The following TF variants were observed in gnomAD, a reference collection of about 807,000 sequenced individuals.
TF encodes transferrin.
In TF, 55 loss-of-function variants were observed where a neutral mutation model predicts 82.4. The observed-to-expected ratio is 0.67, with a 90% confidence interval of 0.54 to 0.84. The LOEUF is 0.84. Among genes scored for constraint, TF ranks in the 40% least tolerant of loss-of-function variants. The pLI is 0.00. For synonymous variants in TF, 332 were observed against 332.6 expected (o/e 1.00, Z 0.02); for missense variants, 737 against 868.4 (o/e 0.85, Z 1.90).
At chr3:133,715,417 T>C in the TF span, among the ~76,000 whole-genome samples, 1 of 152,236 alleles carries the variant, frequency 6.6e-6, no homozygotes, top group East Asian at 1.9e-4. Flanking sequence ...CGCTAAGTCC[T>C]GTCCTGCACC....
At chr3:133,676,452 C>T in the TF span, among the ~76,000 whole-genome samples, 1 of 152,212 alleles carries the variant, frequency 6.6e-6, no homozygotes, top group Non-Finnish European at 1.5e-5. Flanking sequence ...TCAATGAACT[C>T]ATGCATGTGA....
At chr3:133,670,800 TG>T in the TF span, among the ~76,000 whole-genome samples, 1 of 152,182 alleles carries the variant, frequency 6.6e-6, no homozygotes, top group Non-Finnish European at 1.5e-5. Flanking sequence ...TCCTTTCAAA[TG>T]TATGAGTAAG....
intron 4 of TF, among the ~76,000 whole-genome samples, chr3:133,754,911 A>G (rs1444395489): frequency 6.6e-6 from 1 of 152,232 alleles, no homozygotes; most frequent in African/African-American, 2.4e-5. Context: ...GAGTGAGGAA[A>G]GGGCGCAAGG....
chr3:133,703,498 T>C, the TF span, among the ~76,000 whole-genome samples: 2 of 152,214 alleles, frequency 1.3e-5, no homozygotes, highest in Admixed American at 6.5e-5. Flanking sequence ...AATTCTAGTA[T>C]CTAGCTTATT....
the TF span, among the ~76,000 whole-genome samples, chr3:133,738,851 A>T: frequency 6.6e-6 from 1 of 152,214 alleles, no homozygotes; most frequent in African/African-American, 2.4e-5. Flanking sequence ...ATGCTCATGG[A>T]TAGGAAGAAT....
chr3:133,663,301 T>G, the TF span, among the ~76,000 whole-genome samples: 4 of 152,144 alleles, frequency 2.6e-5, no homozygotes, highest in South Asian at 8.3e-4. Context: ...ATACCTATCC[T>G]GATGGTCCGG....
the TF span, among the ~76,000 whole-genome samples, chr3:133,728,812 T>C: frequency 6.6e-5 from 10 of 152,198 alleles, no homozygotes; most frequent in Non-Finnish European, 1.5e-5. Flanking sequence ...TTGATGATGG[T>C]GATGTACAGA....
At chr3:133,745,360 A>T (rs1334158407), upstream of TF, among the ~76,000 whole-genome samples, 1 of 152,228 alleles carries the variant, frequency 6.6e-6, no homozygotes, top group African/African-American at 2.4e-5. Context: ...CAAGTATATT[A>T]TGCCTTGAGA....
the TF span, among the ~76,000 whole-genome samples, chr3:133,732,795 G>A: frequency 3.3e-5 from 5 of 150,404 alleles, no homozygotes; most frequent in South Asian, 2.1e-4. Context: ...TGAACTCAGC[G>A]AGACCAATGA....
At chr3:133,758,023 T>A in intron 8 of TF, 77 bp downstream of exon 8, 2 of 1,449,668 alleles carry the variant, frequency 1.4e-6, no homozygotes, top group Non-Finnish European at 1.9e-6. Context: ...GATTGAGTCT[T>A]TTCAGGGACC....
the TF span, among the ~76,000 whole-genome samples, chr3:133,718,912 A>G: frequency 2.0e-5 from 3 of 152,164 alleles, no homozygotes; most frequent in Non-Finnish European, 2.9e-5. Context: ...CATGAAGGAA[A>G]GACATAGGGT....
upstream of TF, among the ~76,000 whole-genome samples, chr3:133,741,044 T>C (rs942819375): frequency 4.3e-5 from 6 of 139,208 alleles, no homozygotes; most frequent in Non-Finnish European, 9.1e-5. Context: ...CAGGCTGGAG[T>C]GTAGTGGCAC....
chr3:133,706,953 T>A, the TF span, among the ~76,000 whole-genome samples: 2 of 152,202 alleles, frequency 1.3e-5, no homozygotes, highest in African/African-American at 4.8e-5. Flanking sequence ...TGTGTCTTCA[T>A]CCCTAATCCT....
In TF at chr3:133,794,157, C is replaced by T. The variant is rs1330787448; in HGVS notation, c.*15537C>T. The T allele has an allele frequency of 1.3e-5, 2 of 152,146 alleles. No individual in the cohort carries two copies. 9.4% of individuals were successfully genotyped at this position (152,146 alleles called of 1,614,324 possible). On this transcript the variant is annotated 3_prime_UTR_variant, in exon 17 of 17. Transcript: ENST00000402696. ...AATTAAGCATGAACTCATGGAGAAC[C>T]AGGATGGCCACCTTGTCCTTCCTAA...
chr3:133,747,259 A>C (rs1342087442), intron 1 of TF: 1 of 153,006 alleles, frequency 6.5e-6, no homozygotes, highest in East Asian at 1.9e-4. Context: ...TTATCCCCGC[A>C]CAGAGCACTT....
At chr3:133,748,626 C>T in intron 2 of TF, 42 bp downstream of exon 2, 1 of 1,609,524 alleles carries the variant, frequency 6.2e-7, no homozygotes, top group Non-Finnish European at 8.5e-7. Context: ...GAAAGCCATA[C>T]TTTCTCTGTT....
chr3:133,702,734 C>T, the TF span, among the ~76,000 whole-genome samples: 1 of 151,972 alleles, frequency 6.6e-6, no homozygotes, highest in Non-Finnish European at 1.5e-5. Context: ...AAAAAATAAA[C>T]TTATAAATAA....
chr3:133,683,847 C>T, the TF span, among the ~76,000 whole-genome samples: 6 of 152,296 alleles, frequency 3.9e-5, no homozygotes, highest in South Asian at 1.0e-3. Context: ...CTGCACCAAG[C>T]AGACCTAATA....
At chr3:133,747,502 C>T (rs970687215) in intron 1 of TF, among the ~76,000 whole-genome samples, 1 of 152,218 alleles carries the variant, frequency 6.6e-6, no homozygotes, top group Admixed American at 6.5e-5. Flanking sequence ...TCTTCAGAGC[C>T]AGTGAGTCAG....
Sources: allele counts gnomAD v4.1 joint callset (sites outside exome capture counted in the v4.1 genomes callset), GRCh38; gene constraint gnomAD v4.1.1; transcripts MANE v1.5; gene names NCBI Gene and HGNC (gene_info 2026-07-23, HGNC 2026-07-21).